The following DLG2 variants were observed in gnomAD, a reference collection of about 807,000 sequenced individuals.
The protein encoded by DLG2 is discs large MAGUK scaffold protein 2.
A neutral mutation model predicts 132.5 loss-of-function variants in DLG2; 45 were observed. That is an observed-to-expected ratio of 0.34 (90% confidence interval 0.27 to 0.44). DLG2 has a LOEUF of 0.44. Ranked by LOEUF, DLG2 falls within the 20% of genes least tolerant of loss-of-function variation. The pLI, the probability that DLG2 is intolerant of heterozygous loss-of-function variation, is 1.00. For missense variants in DLG2, 1,045 were observed against 1,196.9 expected, an observed-to-expected ratio of 0.87 and a Z score of 1.87; for synonymous variants, 424 against 419.6, an observed-to-expected ratio of 1.01 and a Z score of -0.13.
At chr11:85,520,522 C>CACACACACACAA (rs2074220262) in intron 3 of DLG2, among the ~76,000 whole-genome samples, 1 of 151,310 alleles carries the variant, frequency 6.6e-6, no homozygotes, top group African/African-American at 2.4e-5. Flanking sequence ...GAACCACACA[C>CACACACACACAA]ACACACACAC....
rs142683465 is a variant in DLG2, at chr11:84,138,303, C to T, written c.624+25158G>A. Among the ~76,000 whole-genome samples, 479 of 152,282 alleles carry T rather than the reference C, an allele frequency of 3.1e-3. 2 individuals are homozygous for T. The highest frequency in any genetic ancestry group is 0.011 in the African/African-American group (445 of 41,562). On this transcript the variant is annotated intron_variant, in intron 9 of 27. Coordinates refer to ENST00000376104, the MANE Select transcript of DLG2 (RefSeq NM_001142699.3). ...CCAGAACATTTGGGGAAAAAATTCC[C>T]TTCTTATTCAGAACAGCCAAGTCTG...
intron 16 of DLG2, among the ~76,000 whole-genome samples, chr11:83,871,326 G>A (rs917361304): frequency 3.3e-5 from 5 of 152,168 alleles, no homozygotes; most frequent in African/African-American, 1.2e-4. Context: ...TATGGTAGAG[G>A]ACTCAATTAG....
chr11:83,674,998 G>A (rs2077440520), intron 18 of DLG2, among the ~76,000 whole-genome samples: 1 of 152,224 alleles, frequency 6.6e-6, no homozygotes, highest in Non-Finnish European at 1.5e-5. Context: ...ATTGTGAACT[G>A]TATGATCACG....
At chr11:84,600,143 G>GGAAAGAAAGAAAGAAGGAAA (rs2099572333) in intron 6 of DLG2, among the ~76,000 whole-genome samples, 1 of 71,934 alleles carries the variant, frequency 1.4e-5, no homozygotes, top group Non-Finnish European at 2.7e-5. Context: ...AAAGAAAGAA[G>GGAAAGAAAGAAAGAAGGAAA]GAAAGAAAGA....
intron 8 of DLG2, among the ~76,000 whole-genome samples, chr11:84,232,018 G>A (rs1034867443): frequency 2.0e-5 from 3 of 151,988 alleles, no homozygotes; most frequent in Non-Finnish European, 4.4e-5. Flanking sequence ...CCACCAAGAT[G>A]GGGAAGGAAG....
chr11:85,444,754 G>A (rs1379654321), intron 3 of DLG2, among the ~76,000 whole-genome samples: 2 of 152,202 alleles, frequency 1.3e-5, no homozygotes, highest in African/African-American at 4.8e-5. Context: ...CTTTGATTTT[G>A]CATAACTATG....
At chr11:83,816,863 T>C (rs1242337270) in intron 17 of DLG2, among the ~76,000 whole-genome samples, 4 of 152,208 alleles carry the variant, frequency 2.6e-5, no homozygotes, top group Middle Eastern at 3.2e-3. Flanking sequence ...CAATATCTTA[T>C]AAATATTCTT....
intron 17 of DLG2, among the ~76,000 whole-genome samples, chr11:83,803,800 T>C (rs139914421): frequency 5.3e-5 from 8 of 152,210 alleles, no homozygotes; most frequent in African/African-American, 1.7e-4. Context: ...TCCAGAGACA[T>C]ATCTGTCAAA....
rs565535786 is a variant in DLG2, at chr11:83,530,096, GTCTA to G, written c.2193+2608_2193+2611del. On this transcript the variant is annotated intron_variant, in intron 21 of 27. Coordinates refer to ENST00000376104, the MANE Select transcript of DLG2 (RefSeq NM_001142699.3). Reference sequence around the variant, plus strand: ...TCCAACTCTATCTGTCTGTCTGTCTGTCTATCTATCTATCTATCTATCCATCTAT... The same window carrying G: ...TCCAACTCTATCTGTCTGTCTGTCTGTCTATCTATCTATCTATCCATCTAT... Among the ~76,000 whole-genome samples the G allele has an allele frequency of 2.1e-3, 319 of 149,962 alleles. 2 individuals are homozygous for G. Among genetic ancestry groups the G allele is most frequent in the African/African-American group, 7.2e-3 (285 of 39,846 alleles).
At chr11:84,591,721 G>A (rs1379269816) in intron 6 of DLG2, among the ~76,000 whole-genome samples, 2 of 152,006 alleles carry the variant, frequency 1.3e-5, no homozygotes, top group African/African-American at 2.4e-5. Flanking sequence ...TTGAGGTACT[G>A]GGTGATGATT....
At chr11:83,875,696 T>A (rs550716289) in intron 15 of DLG2, among the ~76,000 whole-genome samples, 164 of 152,270 alleles carry the variant, frequency 1.1e-3, no homozygotes, top group African/African-American at 3.9e-3. Context: ...ACATAATATA[T>A]GAACAAGTGT....
At chr11:85,289,070 A>G (rs1391866621) in intron 3 of DLG2, among the ~76,000 whole-genome samples, 3 of 151,724 alleles carry the variant, frequency 2.0e-5, no homozygotes, top group Non-Finnish European at 4.4e-5. Flanking sequence ...TTCTAATTCT[A>G]TTTCACTCTT....
chr11:84,813,030 T>C (rs970483087), intron 6 of DLG2, among the ~76,000 whole-genome samples: 2 of 152,170 alleles, frequency 1.3e-5, no homozygotes, highest in African/African-American at 2.4e-5. Context: ...ATCTCATTCT[T>C]GATGTTTAAT....
chr11:84,178,138 C>T (rs1215663266), intron 8 of DLG2, among the ~76,000 whole-genome samples: 1 of 152,118 alleles, frequency 6.6e-6, no homozygotes, highest in African/African-American at 2.4e-5. Context: ...GCAGAAAATG[C>T]TATGAAAACC....
chr11:85,383,237 T>C (rs1160401743), intron 3 of DLG2, among the ~76,000 whole-genome samples: 1 of 152,172 alleles, frequency 6.6e-6, no homozygotes, highest in Non-Finnish European at 1.5e-5. Context: ...GGCTACATGT[T>C]GTATGATTTC....
intron 6 of DLG2, among the ~76,000 whole-genome samples, chr11:84,962,233 G>A (rs2052683750): frequency 6.6e-6 from 1 of 152,200 alleles, no homozygotes; most frequent in African/African-American, 2.4e-5. Flanking sequence ...TCACGAGGGA[G>A]AGTAACTTGC....
chr11:85,195,227 A>C (rs1378630835), intron 4 of DLG2, among the ~76,000 whole-genome samples: 1 of 152,200 alleles, frequency 6.6e-6, no homozygotes, highest in African/African-American at 2.4e-5. Flanking sequence ...TAGCGGAGGC[A>C]AAGGGGAAGA....
chr11:83,796,994 A>G (rs371493753), intron 17 of DLG2, among the ~76,000 whole-genome samples: 1 of 152,138 alleles, frequency 6.6e-6, no homozygotes, highest in Admixed American at 6.5e-5. Context: ...AGAAAGTGAC[A>G]TTGAGATGAG....
At chr11:84,721,131 G>A (rs537380360) in intron 6 of DLG2, among the ~76,000 whole-genome samples, 32 of 152,078 alleles carry the variant, frequency 2.1e-4, no homozygotes, top group Non-Finnish European at 4.4e-4. Context: ...AGACCTCCGA[G>A]GCCGACTTCC....
Sources: allele counts gnomAD v4.1 joint callset (sites outside exome capture counted in the v4.1 genomes callset), GRCh38; gene constraint gnomAD v4.1.1; transcripts MANE v1.5; gene names NCBI Gene and HGNC (gene_info 2026-07-23, HGNC 2026-07-21).